Variants in UNC5D observed in about 807,000 individuals in gnomAD.
UNC5D encodes the protein netrin receptor UNC5D.
In UNC5D, 39 loss-of-function variants were observed where a neutral mutation model predicts 105.4. The ratio of observed to expected loss-of-function variants is 0.37; its 90% CI spans 0.29 to 0.48. UNC5D has a LOEUF of 0.48. Ranked by LOEUF, UNC5D falls within the 20% of genes least tolerant of loss-of-function variation. UNC5D has a pLI of 0.98. For missense variants in UNC5D, 991 were observed against 1,202.4 expected (o/e 0.82, Z 2.60); for synonymous variants, 452 against 450.4 (o/e 1.00, Z -0.04).
intron 4 of UNC5D, among the ~76,000 whole-genome samples, chr8:35,658,897 C>T (rs935379106): frequency 1.3e-5 from 2 of 152,048 alleles, no homozygotes; most frequent in African/African-American, 4.8e-5. Flanking sequence ...CCTCATGATC[C>T]GCCGGCCTCG....
At chr8:35,643,882 C>T (rs1351594770) in intron 4 of UNC5D, among the ~76,000 whole-genome samples, 1 of 152,128 alleles carries the variant, frequency 6.6e-6, no homozygotes, top group African/African-American at 2.4e-5. Flanking sequence ...TAAATCCCTG[C>T]TCTTCATCAG....
intron 4 of UNC5D, among the ~76,000 whole-genome samples, chr8:35,613,161 T>C (rs1820801591): frequency 6.6e-6 from 1 of 152,226 alleles, no homozygotes; most frequent in Non-Finnish European, 1.5e-5. Flanking sequence ...CACTGCAACC[T>C]CTGCCTCCCA....
At position 35,721,439 on chromosome 8, in the gene UNC5D, C is replaced by T. The variant is rs1205017563; in HGVS notation, c.1118-771C>T. On this transcript the variant is annotated intron_variant, in intron 8 of 16. Transcript: ENST00000404895. The stretch of plus-strand genomic sequence containing the variant: ...AACTAACGCTTTTATTTTTGCTTTG[C>T]CCATGCATTCAATAGGATGGAGTAG... 8.5e-6 allele frequency: 6 copies of T among 702,722 alleles called. No individual in the cohort carries two copies. The Admixed American group carries it at 1.2e-4, about 14-fold the overall frequency. The allele number at this position is 702,722 out of a possible 1,614,324, so 43.5% of individuals were successfully genotyped here.
At chr8:35,505,458 G>A (rs1304482204) in intron 1 of UNC5D, among the ~76,000 whole-genome samples, 1 of 152,216 alleles carries the variant, frequency 6.6e-6, no homozygotes, top group Non-Finnish European at 1.5e-5. Flanking sequence ...CCTGACAGTA[G>A]AAAGGCTAGC....
chr8:35,453,267 G>A (rs931274433), intron 1 of UNC5D, among the ~76,000 whole-genome samples: 5 of 151,960 alleles, frequency 3.3e-5, no homozygotes, highest in Non-Finnish European at 7.4e-5. Flanking sequence ...TATTTTTTTA[G>A]CCATGACCAG....
Position 35,691,899 on chromosome 8 carries a change from A to G in UNC5D, c.1084+5190A>G, listed in dbSNP as rs187988854. Among the ~76,000 whole-genome samples the G allele has an allele frequency of 6.6e-5, 10 of 152,318 alleles. 1 individual carries two copies. Among genetic ancestry groups the G allele is most frequent in the African/African-American group, 2.4e-4 (10 of 41,576 alleles). ...TCCCTCTCTCTTAACCCCAGCAGAT[A>G]TAAAACTAAGGGCATTGGCTTGAGA... On this transcript the variant is annotated intron_variant, in intron 7 of 16. Transcript: ENST00000404895.
Position 35,728,095 on chromosome 8 carries a change from A to AAAAAAAAAT in UNC5D, c.1681+1567_1681+1568insAAAAAAATA, listed in dbSNP as rs34672872. On this transcript the variant is annotated intron_variant, in intron 10 of 16. Coordinates refer to ENST00000404895, the MANE Select transcript of UNC5D (RefSeq NM_080872.4). Reference sequence around the variant, plus strand: ...CTAAAAAAAAAAAAAAAAAAAAAAAAATATATATATATATATGCCATAAAA... The same window carrying AAAAAAAAAT: ...CTAAAAAAAAAAAAAAAAAAAAAAAAAAAAAAAATATATATATATATATATGCCATAAAA... Among the ~76,000 whole-genome samples, 27 of 110,358 alleles carry AAAAAAAAAT rather than the reference A, an allele frequency of 2.4e-4. No individual in the cohort carries two copies. The East Asian group carries it at 3.0e-3, about 12-fold the overall frequency. The allele number at this position is 110,358 out of a possible 152,430, so 72.4% of individuals were successfully genotyped here.
At chr8:35,511,742 TAAAA>T (rs113992530) in intron 1 of UNC5D, among the ~76,000 whole-genome samples, 1 of 133,208 alleles carries the variant, frequency 7.5e-6, no homozygotes, top group Non-Finnish European at 1.6e-5. Context: ...AAAAAAAAAT[TAAAA>T]AAAAAAACCC....
At position 35,578,668 on chromosome 8, in the gene UNC5D, T is replaced by C. The variant is rs568432823; in HGVS notation, c.466+10427T>C. Among the ~76,000 whole-genome samples, 118 of 152,318 alleles carry C rather than the reference T, an allele frequency of 7.7e-4. 2 individuals are homozygous for C. The highest frequency in any genetic ancestry group is 2.4e-3 in the African/African-American group (99 of 41,572). ...GGGTTAATCAATTTTTCTCCTTTTT[T>C]AGTAGAAGCATTTTAATAGACAGTG... is the stretch of plus-strand genomic sequence containing the variant. On this transcript the variant is annotated intron_variant, in intron 3 of 16. Coordinates refer to ENST00000404895, the MANE Select transcript of UNC5D (RefSeq NM_080872.4).
chr8:35,306,770 A>G (rs746294386), intron 1 of UNC5D, among the ~76,000 whole-genome samples: 15 of 152,124 alleles, frequency 9.9e-5, no homozygotes, highest in Admixed American at 2.0e-4. Flanking sequence ...AAGTTGGAAT[A>G]CACTTCTTGG....
intron 1 of UNC5D, among the ~76,000 whole-genome samples, chr8:35,507,381 A>C (rs1812399618): frequency 1.3e-5 from 2 of 152,072 alleles, no homozygotes; most frequent in African/African-American, 4.8e-5. Flanking sequence ...GTTCCTCTAC[A>C]CAGACCCACG....
At chr8:35,572,683 C>G (rs1817819918) in intron 3 of UNC5D, among the ~76,000 whole-genome samples, 1 of 152,090 alleles carries the variant, frequency 6.6e-6, no homozygotes, top group Non-Finnish European at 1.5e-5. Flanking sequence ...GCTGTCTTGC[C>G]CAGAAGCAGT....
chr8:35,619,683 G>A (rs1821234642), intron 4 of UNC5D, among the ~76,000 whole-genome samples: 1 of 152,142 alleles, frequency 6.6e-6, no homozygotes, highest in South Asian at 2.1e-4. Flanking sequence ...ATCATTGTTG[G>A]AACTAACTTT....
intron 1 of UNC5D, among the ~76,000 whole-genome samples, chr8:35,451,197 C>T (rs550355465): frequency 1.3e-5 from 2 of 152,210 alleles, no homozygotes; most frequent in South Asian, 4.1e-4. Context: ...GCATGCACCA[C>T]CATGCTCGGC....
chr8:35,743,021 A>T (rs1439385934), intron 11 of UNC5D, among the ~76,000 whole-genome samples: 1 of 152,130 alleles, frequency 6.6e-6, no homozygotes, highest in African/African-American at 2.4e-5. Context: ...TGAATAAGTT[A>T]TTTAGTGGTG....
intron 13 of UNC5D, among the ~76,000 whole-genome samples, chr8:35,756,886 A>G (rs369181002): frequency 1.3e-3 from 196 of 152,274 alleles, no homozygotes; most frequent in African/African-American, 4.3e-3. Context: ...TCCATTAAGG[A>G]AAGTTAAATT....
Position 35,658,884 on chromosome 8 carries a change from T to A in UNC5D, c.571-24663T>A, listed in dbSNP as rs768295039. ...GTTAGCCAGGATGGTCTTCATCTCC[T>A]GACCTCATGATCCGCCGGCCTCGGC... On this transcript the variant is annotated intron_variant, in intron 4 of 16. Coordinates refer to ENST00000404895, the MANE Select transcript of UNC5D (RefSeq NM_080872.4). 3.9e-4 allele frequency among the ~76,000 whole-genome samples: 59 copies of A among 152,270 alleles called. 1 individual carries two copies. Among genetic ancestry groups the A allele is most frequent in the Admixed American group, 2.2e-3 (34 of 15,282 alleles).
At chr8:35,737,845 G>A (rs1029806280) in intron 11 of UNC5D, among the ~76,000 whole-genome samples, 3 of 152,252 alleles carry the variant, frequency 2.0e-5, no homozygotes, top group Non-Finnish European at 4.4e-5. Context: ...GGTGTCTCAC[G>A]CTTGTAATCC....
intron 8 of UNC5D, among the ~76,000 whole-genome samples, chr8:35,711,906 C>G (rs928624218): frequency 6.6e-6 from 1 of 152,208 alleles, no homozygotes; most frequent in African/African-American, 2.4e-5. Context: ...TTACCAGAGT[C>G]TAGCATGTAG....
Sources: allele counts gnomAD v4.1 joint callset (sites outside exome capture counted in the v4.1 genomes callset), GRCh38; gene constraint gnomAD v4.1.1; transcripts MANE v1.5; gene names NCBI Gene and HGNC (gene_info 2026-07-23, HGNC 2026-07-21).